RPS6KA5: variants seen among roughly 807,000 people sequenced by gnomAD.
RPS6KA5 encodes the protein ribosomal protein S6 kinase alpha-5.
RPS6KA5 carries 27 observed loss-of-function variants against 85.5 expected under a neutral mutation model. The ratio of observed to expected loss-of-function variants is 0.32; its 90% CI spans 0.23 to 0.44. The LOEUF (loss-of-function observed/expected upper bound fraction) is 0.44. RPS6KA5 is among the 20% of genes least tolerant of loss of function. The pLI is 1.00. For synonymous variants in RPS6KA5, 334 were observed against 348.2 expected (o/e 0.96, Z 0.46); for missense variants, 811 against 980.9 (o/e 0.83, Z 2.31).
chr14:90,914,170 G>C (rs1442158568), intron 7 of RPS6KA5, among the ~76,000 whole-genome samples: 1 of 151,272 alleles, frequency 6.6e-6, no homozygotes, highest in Non-Finnish European at 1.5e-5. Flanking sequence ...TGGCGGCAAA[G>C]AATCTACACT....
chr14:90,867,045 C>A lies in RPS6KA5; in HGVS notation c.*5029G>T, dbSNP rs939170838. The A allele has an allele frequency of 6.6e-6, 1 of 152,182 alleles. No individual in the cohort carries two copies. The highest frequency in any genetic ancestry group is 1.5e-5 in the Non-Finnish European group (1 of 68,012). The allele number at this position is 152,182 out of a possible 1,614,324, so 9.4% of individuals were successfully genotyped here. Reference sequence around the variant, plus strand: ...TTCCAACATAGCAGTGCACATTTCACATGACCAGCCTCTTATGTAGTTAAA... The same window carrying A: ...TTCCAACATAGCAGTGCACATTTCAAATGACCAGCCTCTTATGTAGTTAAA... On this transcript the variant is annotated 3_prime_UTR_variant, in exon 17 of 17. Transcript: ENST00000614987.
intron 14 of RPS6KA5, among the ~76,000 whole-genome samples, chr14:90,889,915 A>C (rs1268369834): frequency 6.6e-6 from 1 of 152,190 alleles, no homozygotes; most frequent in African/African-American, 2.4e-5. Context: ...ATGCATTACA[A>C]ATTATATGCA....
chr14:90,978,231 C>A (rs1287313190), intron 3 of RPS6KA5, 75 bp downstream of exon 3: 1 of 1,057,352 alleles, frequency 9.5e-7, no homozygotes, highest in African/African-American at 1.6e-5. Flanking sequence ...TAGTATCTTG[C>A]CCTTTAAGTA....
chr14:90,955,767 T>C (rs1286101), intron 3 of RPS6KA5, among the ~76,000 whole-genome samples: 129,629 of 152,188 alleles, frequency 0.85, 55,745 homozygotes, highest in East Asian at 1. Flanking sequence ...TTGTGTTGTT[T>C]GGGTCTTCTG....
chr14:90,948,673 C>T (rs553877546), intron 3 of RPS6KA5, among the ~76,000 whole-genome samples: 8 of 149,606 alleles, frequency 5.3e-5, no homozygotes, highest in South Asian at 4.2e-4. Context: ...CCAGCCTGGG[C>T]GAAAGAGTGA....
intron 5 of RPS6KA5, among the ~76,000 whole-genome samples, chr14:90,923,763 T>C (rs1463067531): frequency 1.3e-5 from 2 of 152,180 alleles, no homozygotes; most frequent in African/African-American, 4.8e-5. Flanking sequence ...GCTAATGTTA[T>C]GTTTAACGAT....
At chr14:90,947,689 T>C (rs1054902788) in intron 3 of RPS6KA5, 139 bp from the exon 4 acceptor site, 13 of 543,416 alleles carry the variant, frequency 2.4e-5, no homozygotes, top group Non-Finnish European at 3.5e-5. Context: ...CAGTATCATG[T>C]AGATAGAGTT....
intron 1 of RPS6KA5, among the ~76,000 whole-genome samples, chr14:91,032,698 A>T (rs1181651660): frequency 1.3e-5 from 2 of 152,150 alleles, no homozygotes; most frequent in African/African-American, 4.8e-5. Flanking sequence ...CAAAGAAACA[A>T]CATAAGCAAA....
At chr14:90,973,039 C>A (rs944405673) in intron 3 of RPS6KA5, among the ~76,000 whole-genome samples, 2 of 152,200 alleles carry the variant, frequency 1.3e-5, no homozygotes, top group Non-Finnish European at 2.9e-5. Context: ...CAGGCAAATG[C>A]CCAGAAGTTT....
At chr14:91,050,011 A>G (rs1398926225) in intron 1 of RPS6KA5, among the ~76,000 whole-genome samples, 4 of 152,256 alleles carry the variant, frequency 2.6e-5, no homozygotes, top group African/African-American at 7.2e-5. Context: ...TATGCAGCTC[A>G]TGAATATATA....
chr14:90,910,001 C>T (rs771329032), intron 7 of RPS6KA5, among the ~76,000 whole-genome samples: 6 of 152,058 alleles, frequency 3.9e-5, no homozygotes, highest in Non-Finnish European at 7.4e-5. Context: ...GTCTCGAACT[C>T]CTGACCTCAG....
rs1359412881 is a variant in RPS6KA5 at position 90,861,779 on chromosome 14, TC to T, written c.*10294del. The T allele has an allele frequency of 1.4e-5, 2 of 145,738 alleles. No individual in the cohort carries two copies. Among genetic ancestry groups the T allele is most frequent in the Non-Finnish European group, 3.0e-5 (2 of 66,842 alleles). 9.0% of individuals were successfully genotyped at this position (145,738 alleles called of 1,614,324 possible). On this transcript the variant is annotated 3_prime_UTR_variant, in exon 17 of 17. Coordinates refer to ENST00000614987, the MANE Select transcript of RPS6KA5 (RefSeq NM_004755.4). ...TGGGTGTGCTGGCTTGTGTCTGTAA[TC>T]CCAGCTACTCGGGAGGCTGAGGCAG...
chr14:90,917,852 A>G (rs1289934322), intron 7 of RPS6KA5, among the ~76,000 whole-genome samples: 2 of 152,144 alleles, frequency 1.3e-5, no homozygotes, highest in Non-Finnish European at 2.9e-5. Context: ...GCACTACTGC[A>G]CATGTCTTAG....
Position 90,976,412 on chromosome 14 carries a change from C to T in RPS6KA5, c.394+1894G>A, listed in dbSNP as rs149217604. Among the ~76,000 whole-genome samples the T allele has an allele frequency of 8.8e-3, 1,335 of 152,158 alleles. 10 individuals are homozygous for T. Among genetic ancestry groups the T allele is most frequent in the Middle Eastern group, 0.014 (4 of 294 alleles). On this transcript the variant is annotated intron_variant, in intron 3 of 16. Transcript: ENST00000614987. ...GTCCTCATGGACTTCCTAAGGCTTT[C>T]CTGGAAATTCTAGGGTAAAGAATAG...
intron 14 of RPS6KA5, among the ~76,000 whole-genome samples, chr14:90,890,045 G>A (rs567824258): frequency 3.3e-5 from 5 of 152,132 alleles, no homozygotes; most frequent in East Asian, 3.8e-4. Flanking sequence ...TTTAAGTTAC[G>A]TAGTAGAAAT....
intron 1 of RPS6KA5, among the ~76,000 whole-genome samples, chr14:91,031,953 AC>A (rs139554800): frequency 0.14 from 20,571 of 152,138 alleles, 1,666 homozygotes; most frequent in East Asian, 0.31. Flanking sequence ...GTACTATTTG[AC>A]TAAGTATTTA....
chr14:91,039,737 T>A (rs1044750476), intron 1 of RPS6KA5, among the ~76,000 whole-genome samples: 1 of 152,176 alleles, frequency 6.6e-6, no homozygotes, highest in Non-Finnish European at 1.5e-5. Flanking sequence ...CAGAACTGTT[T>A]GTCACAGCCC....
chr14:91,034,398 C>G (rs2042313752), intron 1 of RPS6KA5, among the ~76,000 whole-genome samples: 1 of 151,958 alleles, frequency 6.6e-6, no homozygotes, highest in African/African-American at 2.4e-5. Flanking sequence ...GCTGGACTTC[C>G]TGGGTCGAGT....
At chr14:90,919,057 A>G (rs534235677) in intron 7 of RPS6KA5, among the ~76,000 whole-genome samples, 75 of 152,292 alleles carry the variant, frequency 4.9e-4, no homozygotes, top group Non-Finnish European at 7.9e-4. Context: ...TCTTCACTAT[A>G]TGGAATAGTT....
Sources: gnomAD v4.1 joint callset for allele counts (sites outside exome capture counted in the v4.1 genomes callset) on GRCh38, gnomAD v4.1.1 for gene constraint, MANE v1.5 for transcripts, NCBI Gene and HGNC (gene_info 2026-07-23, HGNC 2026-07-21) for gene names.